Variants in LRRIQ1 observed in about 807,000 individuals in gnomAD.
The protein encoded by LRRIQ1 is leucine rich repeats and IQ motif containing 1.
Under a neutral mutation model 211.9 loss-of-function variants are expected in LRRIQ1, and 210 were observed. The ratio of observed to expected loss-of-function variants is 0.99; its 90% confidence interval spans 0.89 to 1.11. The LOEUF (loss-of-function observed/expected upper bound fraction) is 1.11. LRRIQ1 is among the 50% of genes most tolerant of loss of function. LRRIQ1 has a pLI of 0.00. For missense variants in LRRIQ1, 2,136 were observed against 1,939.5 expected, an observed-to-expected ratio of 1.10 and a Z score of -1.90; for synonymous variants, 699 against 650.1, an observed-to-expected ratio of 1.08 and a Z score of -1.14.
chr12:85,122,322 T>TA (rs1293919616), intron 16 of LRRIQ1, among the ~76,000 whole-genome samples: 1 of 152,088 alleles, frequency 6.6e-6, no homozygotes, highest in Non-Finnish European at 1.5e-5. Context: ...TACATATACT[T>TA]ACGTATCAAG....
At chr12:85,257,836 C>CT (rs1227090555) in intron 1 of LRRIQ1, among the ~76,000 whole-genome samples, 11 of 150,510 alleles carry the variant, frequency 7.3e-5, no homozygotes, top group African/African-American at 1.9e-4. Flanking sequence ...TTAGTGAAGA[C>CT]TTTTTTTTTA....
chr12:85,118,171 A>G (rs1887709893), intron 15 of LRRIQ1, among the ~76,000 whole-genome samples: 1 of 152,116 alleles, frequency 6.6e-6, no homozygotes, highest in South Asian at 2.1e-4. Context: ...AACCAGAAAC[A>G]CGATGTATGT....
chr12:85,077,340 TTAAG>T (rs1883774505), intron 11 of LRRIQ1, among the ~76,000 whole-genome samples: 1 of 152,232 alleles, frequency 6.6e-6, no homozygotes, highest in Non-Finnish European at 1.5e-5. Context: ...CACACTTGAC[TTAAG>T]TTTTATTTTG....
chr12:85,242,891 A>G (rs1377337596), intron 26 of LRRIQ1, among the ~76,000 whole-genome samples: 2 of 151,854 alleles, frequency 1.3e-5, no homozygotes, highest in Non-Finnish European at 2.9e-5. Context: ...GGAAAAAATC[A>G]TCTTTGGATG....
intron 1 of LRRIQ1, among the ~76,000 whole-genome samples, chr12:85,260,156 T>C: frequency 6.8e-6 from 1 of 146,712 alleles, no homozygotes; most frequent in South Asian, 2.1e-4. Flanking sequence ...AAAAAGCTTA[T>C]ATTAAGAATA....
chr12:85,268,667 G>A (rs1466955458), downstream of LRRIQ1, among the ~76,000 whole-genome samples: 1 of 144,592 alleles, frequency 6.9e-6, no homozygotes, highest in Admixed American at 6.8e-5. Flanking sequence ...CTGTAACTAT[G>A]TAGCTACATT....
At chr12:85,258,735 A>T (rs1435975155) in intron 1 of LRRIQ1, among the ~76,000 whole-genome samples, 1 of 151,884 alleles carries the variant, frequency 6.6e-6, no homozygotes, top group African/African-American at 2.4e-5. Context: ...TTTTTTCTCC[A>T]TGCTTTATTT....
intron 24 of LRRIQ1, among the ~76,000 whole-genome samples, chr12:85,201,119 C>T (rs1425700918): frequency 6.6e-6 from 1 of 152,082 alleles, no homozygotes; most frequent in African/African-American, 2.4e-5. Flanking sequence ...TCATGAGCCA[C>T]CACGCCTGGC....
chr12:85,057,678 G>A (rs1565795111), intron 8 of LRRIQ1, among the ~76,000 whole-genome samples: 1 of 151,990 alleles, frequency 6.6e-6, no homozygotes, highest in African/African-American at 2.4e-5. Flanking sequence ...ATTATTTAGC[G>A]TGTGCTATTT....
Position 85,106,623 on chromosome 12 carries a change from G to A in LRRIQ1, c.3377+8G>A, listed in dbSNP as rs201513248. 6.3e-7 allele frequency: 1 copy of A among 1,580,836 alleles called. No homozygotes were observed. Among genetic ancestry groups the A allele is most frequent in the Non-Finnish European group, 8.7e-7 (1 of 1,151,110 alleles). ...TCAAGAAACAAACTGGAGGTAAAGA[G>A]GCATTGTTGCACCCCATGTATATCC... On this transcript the variant is annotated splice_region_variant and intron_variant, in intron 15 of 26. Coordinates refer to ENST00000393217, the MANE Select transcript of LRRIQ1 (RefSeq NM_001079910.2).
At chr12:85,154,855 T>G (rs1001532012) in intron 23 of LRRIQ1, among the ~76,000 whole-genome samples, 1 of 151,214 alleles carries the variant, frequency 6.6e-6, no homozygotes, top group Non-Finnish European at 1.5e-5. Context: ...GTAAAAAGTT[T>G]CCAAAAAAGA....
intron 7 of LRRIQ1, among the ~76,000 whole-genome samples, chr12:85,052,693 T>C (rs1367321684): frequency 6.6e-6 from 1 of 152,116 alleles, no homozygotes; most frequent in African/African-American, 2.4e-5. Flanking sequence ...AAAGTAGATA[T>C]CTCCATAATC....
At chr12:85,143,129 T>C (rs1266334784) in intron 19 of LRRIQ1, among the ~76,000 whole-genome samples, 1 of 151,660 alleles carries the variant, frequency 6.6e-6, no homozygotes, top group Non-Finnish European at 1.5e-5. Context: ...TGTTATCTTT[T>C]ATCTTTTTGA....
Position 85,044,800 on chromosome 12 carries a change from A to G in LRRIQ1, c.327A>G (p.Gln109=). ...LSTEYEESSE[Q]LIKILSEIEK... ...CTGAATATGAAGAAAGTTCAGAGCA[A>G]TTAATTAAGGTATATATTCAATATT... The change falls in exon 4 of 27, where the codon CAA becomes CAG. Residue 109 remains glutamine (Q), a synonymous_variant. Transcript: ENST00000393217. 1 of 1,446,980 alleles carries G rather than the reference A, an allele frequency of 6.9e-7. No homozygotes were observed. Among genetic ancestry groups the G allele is most frequent in the South Asian group, 1.2e-5 (1 of 84,354 alleles). The allele number at this position is 1,446,980 out of a possible 1,614,324, so 89.6% of individuals were successfully genotyped here.
At chr12:85,070,587 T>C (rs1465188108) in intron 10 of LRRIQ1, among the ~76,000 whole-genome samples, 1 of 151,974 alleles carries the variant, frequency 6.6e-6, no homozygotes, top group Non-Finnish European at 1.5e-5. Context: ...TTGTTTAGTT[T>C]GTTTTACTAC....
chr12:85,247,806 C>A (rs951326502), downstream of LRRIQ1, among the ~76,000 whole-genome samples: 12 of 151,288 alleles, frequency 7.9e-5, no homozygotes, highest in Non-Finnish European at 1.6e-4. Context: ...ATAATAAGAC[C>A]AGGAGGAGTA....
At chr12:85,237,138 A>G (rs1241963179) in intron 26 of LRRIQ1, among the ~76,000 whole-genome samples, 2 of 152,054 alleles carry the variant, frequency 1.3e-5, no homozygotes, top group Admixed American at 6.6e-5. Context: ...GCTTTGGGCT[A>G]TGATGTAGTA....
intron 24 of LRRIQ1, among the ~76,000 whole-genome samples, chr12:85,184,840 T>C (rs1212915964): frequency 4.6e-5 from 7 of 152,054 alleles, no homozygotes; most frequent in Admixed American, 2.0e-4. Flanking sequence ...ATACTTTTTC[T>C]CTTTGTACAG....
intron 6 of LRRIQ1, 102 bp from the exon 7 acceptor site, chr12:85,052,075 T>G (rs1379417014): frequency 1.5e-6 from 1 of 671,992 alleles, no homozygotes. Context: ...GGTTGTCAGC[T>G]TTAACTATTG....
Sources: gnomAD v4.1 joint callset for allele counts (sites outside exome capture counted in the v4.1 genomes callset) on GRCh38, gnomAD v4.1.1 for gene constraint, MANE v1.5 for transcripts, NCBI Gene and HGNC (gene_info 2026-07-23, HGNC 2026-07-21) for gene names.